NECAB2: variants seen among roughly 807,000 people sequenced by gnomAD.
NECAB2 encodes the protein N-terminal EF-hand calcium-binding protein 2.
Under a neutral mutation model 51.9 loss-of-function variants are expected in NECAB2, and 68 were observed. The observed-to-expected ratio is 1.31, with a 90% CI of 1.08 to 1.60. NECAB2 has a LOEUF of 1.60. Ranked by LOEUF, NECAB2 falls within the 40% of genes most tolerant of loss-of-function variation. The pLI is 0.00. For synonymous variants in NECAB2, 329 were observed against 203.5 expected (o/e 1.62, Z -5.25); for missense variants, 854 against 490.3 (o/e 1.74, Z -7.00).
chr16:83,987,697 T>A (rs921793994), intron 5 of NECAB2, among the ~76,000 whole-genome samples: 1 of 152,102 alleles, frequency 6.6e-6, no homozygotes, highest in Non-Finnish European at 1.5e-5. Flanking sequence ...TTGTTAGGTA[T>A]ATTAGATTAT....
chr16:83,989,057 C>T (rs1426329371), intron 5 of NECAB2, among the ~76,000 whole-genome samples: 4 of 152,198 alleles, frequency 2.6e-5, no homozygotes, highest in Admixed American at 2.0e-4. Context: ...GTCACTGGTC[C>T]GGGTGCTTTT....
rs1345406014 is a variant in NECAB2 at position 83,994,493 on chromosome 16, G to A, written c.715+73G>A. ...AGGAGTTCTGAGAGTCCTCTGACAG[G>A]GACTGGGGAGATGAGCAAGTTTGAT... is the stretch of plus-strand genomic sequence containing the variant. On this transcript the variant is annotated intron_variant, in intron 7 of 12. Transcript: ENST00000305202. 5.0e-6 allele frequency: 8 copies of A among 1,594,872 alleles called. No homozygotes were observed. In the African/African-American group the frequency reaches 1.1e-4, roughly 21 times the overall value.
upstream of NECAB2, among the ~76,000 whole-genome samples, chr16:83,967,978 G>GTGGA (rs368861995): frequency 8.2e-4 from 123 of 149,934 alleles, no homozygotes; most frequent in East Asian, 0.02. Flanking sequence ...GGGTAGGCAG[G>GTGGA]TGGATGGATG....
intron 10 of NECAB2, among the ~76,000 whole-genome samples, chr16:83,999,981 G>A (rs1597231127): frequency 1.3e-5 from 2 of 152,260 alleles, no homozygotes; most frequent in South Asian, 2.1e-4. Context: ...CTCACCAGAG[G>A]GTTTAAATGA....
chr16:83,969,532 AGAG>A (rs1272334151), intron 1 of NECAB2, among the ~76,000 whole-genome samples: 1 of 150,002 alleles, frequency 6.7e-6, no homozygotes, highest in African/African-American at 2.5e-5. Flanking sequence ...TCTACCCTAC[AGAG>A]AGCTGGGTCC....
intron 6 of NECAB2, chr16:83,993,345 C>A (rs115284955): frequency 6.6e-6 from 1 of 152,232 alleles, no homozygotes; most frequent in African/African-American, 2.4e-5. Context: ...CCTCCCAAGG[C>A]GGGAGTCGAG....
intron 2 of NECAB2, 144 bp downstream of exon 2, chr16:83,972,319 G>C: frequency 8.5e-7 from 1 of 1,179,516 alleles, no homozygotes; most frequent in Non-Finnish European, 1.2e-6. Flanking sequence ...GCCAAATCCT[G>C]CTGCTGCTCT....
intron 10 of NECAB2, among the ~76,000 whole-genome samples, chr16:83,998,964 G>T (rs534382369): frequency 2.6e-5 from 4 of 152,266 alleles, no homozygotes; most frequent in South Asian, 4.1e-4. Context: ...GTTCTTGCTG[G>T]TAGTGGTCCC....
At chr16:83,993,938 C>G (rs1166920867) in intron 6 of NECAB2, among the ~76,000 whole-genome samples, 1 of 152,038 alleles carries the variant, frequency 6.6e-6, no homozygotes, top group Non-Finnish European at 1.5e-5. Context: ...GGGAGGGGGA[C>G]TTGGTCACTC....
intron 10 of NECAB2, among the ~76,000 whole-genome samples, chr16:84,000,365 A>G (rs2084804904): frequency 1.0e-5 from 1 of 98,588 alleles, no homozygotes; most frequent in Non-Finnish European, 1.7e-5. Flanking sequence ...CCCCATCTCT[A>G]TTGGGACAGT....
intron 8 of NECAB2, among the ~76,000 whole-genome samples, chr16:83,995,839 C>T (rs115142357): frequency 8.1e-4 from 124 of 152,334 alleles, no homozygotes; most frequent in African/African-American, 2.8e-3. Context: ...TACCCCCTTC[C>T]TGAAGCCAGC....
chr16:83,967,860 G>A (rs1201084493), upstream of NECAB2, among the ~76,000 whole-genome samples: 1 of 149,812 alleles, frequency 6.7e-6, no homozygotes, highest in Non-Finnish European at 1.5e-5. Context: ...GTGGATGGAT[G>A]GATGGATGAA....
At position 84,002,605 on chromosome 16, in the gene NECAB2, G is replaced by C. The variant is rs1197100226; in HGVS notation, c.*259G>C. ...CCTGGAGCCAGCACCCCTGCCTCCTGGTCCTGGCCTCTCCCCTACCCCTCA... is the reference window on the plus strand; with the variant it reads ...CCTGGAGCCAGCACCCCTGCCTCCTCGTCCTGGCCTCTCCCCTACCCCTCA... On this transcript the variant is annotated 3_prime_UTR_variant, in exon 13 of 13. Coordinates refer to ENST00000305202, the MANE Select transcript of NECAB2 (RefSeq NM_019065.3). 5.2e-6 allele frequency: 3 copies of C among 575,580 alleles called. No individual in the cohort carries two copies. Among genetic ancestry groups the C allele is most frequent in the Non-Finnish European group, 9.3e-6 (3 of 322,650 alleles). The allele number at this position is 575,580 out of a possible 1,614,324, so 35.7% of individuals were successfully genotyped here. A position where few individuals can be genotyped will look rare whatever the true frequency, so the allele number is the denominator to read the frequency against.
At chr16:83,997,594 T>A (rs1031168116) in intron 9 of NECAB2, among the ~76,000 whole-genome samples, 2 of 145,790 alleles carry the variant, frequency 1.4e-5, no homozygotes, top group African/African-American at 5.0e-5. Context: ...TTCAAGCAAT[T>A]CTCCTGCCTC....
At chr16:83,990,264 G>T (rs2084605200) in intron 5 of NECAB2, among the ~76,000 whole-genome samples, 1 of 152,210 alleles carries the variant, frequency 6.6e-6, no homozygotes, top group Non-Finnish European at 1.5e-5. Flanking sequence ...GGAGGTCACA[G>T]AGCTAGTAAG....
In NECAB2 at chr16:83,980,951, A is replaced by G. The variant is rs112301167; in HGVS notation, c.362-79A>G. On this transcript the variant is annotated intron_variant, in intron 4 of 12. Coordinates refer to ENST00000305202, the MANE Select transcript of NECAB2 (RefSeq NM_019065.3). ...GCCTGAGGCAGGGGAGGCTGGAGGT[A>G]GCGCAGGTGGGAGGTGCAGGAGTGC... 10 of 1,605,194 alleles carry G rather than the reference A, an allele frequency of 6.2e-6. No homozygotes were observed. In the African/African-American group the frequency reaches 8.0e-5, roughly 13 times the overall value.
chr16:83,998,316 C>G lies in NECAB2; in HGVS notation c.961C>G (p.His321Asp). ...GACCACTGGCGTGAGGAACTGCTTC[C>G]AGTGAGTGAGCTGCCGAGGCGTGGG... ...RGTTGVRNCF[H>D]ITAVRLSDGF... The change falls in exon 10 of 13, where the codon CAC (histidine) becomes GAC (aspartate). Residue 321 changes from histidine to aspartate, a missense_variant and splice_region_variant. His to Asp is a moderately conservative substitution (Grantham distance 81). Coordinates refer to ENST00000305202, the MANE Select transcript of NECAB2 (RefSeq NM_019065.3). 6.2e-7 allele frequency: 1 copy of G among 1,613,234 alleles called. No individual in the cohort carries two copies. The highest frequency in any genetic ancestry group is 1.1e-5 in the South Asian group (1 of 91,028).
At chr16:83,985,656 G>C (rs996417651) in intron 5 of NECAB2, among the ~76,000 whole-genome samples, 1 of 151,456 alleles carries the variant, frequency 6.6e-6, no homozygotes, top group Non-Finnish European at 1.5e-5. Context: ...AAAAATTACT[G>C]TTGGCGTTCC....
At position 84,000,789 on chromosome 16, in the gene NECAB2, A is replaced by C. The variant is rs776649671; in HGVS notation, c.1028A>C (p.Glu343Ala). The change falls in exon 11 of 13, where the codon GAG becomes GCG. Residue 343 changes from glutamate to alanine, a missense_variant. Coordinates refer to ENST00000305202, the MANE Select transcript of NECAB2 (RefSeq NM_019065.3). The part of the protein sequence containing the change: ...FVIYEFWETE[E>A]AWKRHLQSPL... ...ATCTATGAGTTCTGGGAGACAGAGG[A>C]GGCGTGGAAGAGGTGAGATGCTGGG... 31 of 1,613,480 alleles carry C rather than the reference A, an allele frequency of 1.9e-5. No individual in the cohort carries two copies. In the East Asian group the frequency reaches 5.3e-4, roughly 28 times the overall value.
Sources: gnomAD v4.1 joint callset for allele counts (sites outside exome capture counted in the v4.1 genomes callset) on GRCh38, gnomAD v4.1.1 for gene constraint, MANE v1.5 for transcripts, NCBI Gene and HGNC (gene_info 2026-07-23, HGNC 2026-07-21) for gene names.